GFRA1: variants seen among roughly 807,000 people sequenced by gnomAD.
GFRA1 encodes GDNF family receptor alpha-1.
In GFRA1, 16 loss-of-function variants were observed where a neutral mutation model predicts 51.6. The ratio of observed to expected loss-of-function variants is 0.31; its 90% confidence interval spans 0.21 to 0.47. The LOEUF is 0.47. Ranked by LOEUF, GFRA1 falls within the 20% of genes least tolerant of loss-of-function variation. The pLI, the probability that GFRA1 is intolerant of heterozygous loss-of-function variation, is 1.00. For missense variants in GFRA1, 530 were observed against 594.3 expected, an observed-to-expected ratio of 0.89 and a Z score of 1.13; for synonymous variants, 270 against 241.3, an observed-to-expected ratio of 1.12 and a Z score of -1.10.
chr10:116,188,277 G>A (rs1016747382), intron 5 of GFRA1, among the ~76,000 whole-genome samples: 1 of 152,210 alleles, frequency 6.6e-6, no homozygotes, highest in Non-Finnish European at 1.5e-5. Flanking sequence ...ATGAGGACCT[G>A]CGTCCCTGCT....
At chr10:116,126,880 G>A (rs2420234) in intron 5 of GFRA1, among the ~76,000 whole-genome samples, 34,552 of 152,124 alleles carry the variant, frequency 0.23, 3,954 homozygotes, top group Middle Eastern at 0.26. Flanking sequence ...TTTGCTGCAC[G>A]TCTAAAGGGC....
At chr10:116,197,477 T>C (rs892816163) in intron 5 of GFRA1, among the ~76,000 whole-genome samples, 2 of 152,222 alleles carry the variant, frequency 1.3e-5, no homozygotes, top group African/African-American at 4.8e-5. Context: ...TGTGTGTATA[T>C]TGTTTATGTA....
At chr10:116,066,091 TC>T (rs1955099104) in intron 9 of GFRA1, among the ~76,000 whole-genome samples, 1 of 152,198 alleles carries the variant, frequency 6.6e-6, no homozygotes, top group Non-Finnish European at 1.5e-5. Flanking sequence ...GCAATAAACA[TC>T]TGCATTTATT....
At chr10:116,221,493 C>T (rs1018548263) in intron 4 of GFRA1, among the ~76,000 whole-genome samples, 2 of 152,086 alleles carry the variant, frequency 1.3e-5, no homozygotes, top group Admixed American at 6.5e-5. Flanking sequence ...GGTGCGATCT[C>T]GGCTCACTGC....
At chr10:116,242,458 T>C (rs184792523) in intron 4 of GFRA1, among the ~76,000 whole-genome samples, 1 of 152,280 alleles carries the variant, frequency 6.6e-6, no homozygotes, top group African/African-American at 2.4e-5. Flanking sequence ...TATTTTGATT[T>C]TGAGAAGAGA....
chr10:116,136,415 C>T (rs900982629), intron 5 of GFRA1, among the ~76,000 whole-genome samples: 3 of 152,076 alleles, frequency 2.0e-5, no homozygotes, highest in African/African-American at 4.8e-5. Context: ...TCTTTAAAAC[C>T]GACGCTGCTT....
intron 3 of GFRA1, 31 bp downstream of exon 3, chr10:116,270,791 A>T (rs1355724880): frequency 8.9e-6 from 14 of 1,572,274 alleles, no homozygotes; most frequent in Non-Finnish European, 1.1e-5. Context: ...GGGGAGGGAC[A>T]CGGGGTGGGG....
In GFRA1 at chr10:116,269,539, A is replaced by G. The variant is rs781044021; in HGVS notation, c.382T>C (p.Leu128=). 3 of 1,608,744 alleles carry G rather than the reference A, an allele frequency of 1.9e-6. No homozygotes were observed. Among genetic ancestry groups the G allele is most frequent in the African/African-American group, 1.3e-5 (1 of 74,830 alleles). ...GGGACCACCCGGAATATATCTGACAATCTGCTGTTAACTGGTTCATATGGG... is the reference window on the plus strand; with the variant it reads ...GGGACCACCCGGAATATATCTGACAGTCTGCTGTTAACTGGTTCATATGGG... The part of the protein sequence containing the change: ...DSPYEPVNSR[L]SDIFRVVPFI... The change falls in exon 4 of 11, where the codon TTG becomes CTG. Residue 128 remains leucine, a synonymous_variant. Coordinates refer to ENST00000355422, the MANE Select transcript of GFRA1 (RefSeq NM_005264.8).
At chr10:116,260,701 A>G (rs1055621665) in intron 4 of GFRA1, among the ~76,000 whole-genome samples, 4 of 152,202 alleles carry the variant, frequency 2.6e-5, no homozygotes, top group Admixed American at 1.3e-4. Flanking sequence ...AGCTGCTTTC[A>G]CCCCTAATTT....
At chr10:116,246,693 C>G (rs1213372022) in intron 4 of GFRA1, among the ~76,000 whole-genome samples, 2 of 152,004 alleles carry the variant, frequency 1.3e-5, no homozygotes, top group Admixed American at 1.3e-4. Context: ...AAATTAAAAG[C>G]AAAATAGCAA....
chr10:116,094,902 G>C (rs1956509098), intron 7 of GFRA1, among the ~76,000 whole-genome samples: 1 of 152,218 alleles, frequency 6.6e-6, no homozygotes, highest in African/African-American at 2.4e-5. Flanking sequence ...CATTGGATAT[G>C]CCTGGTGCCA....
chr10:116,150,551 T>A (rs1029483340), intron 5 of GFRA1, among the ~76,000 whole-genome samples: 2 of 152,234 alleles, frequency 1.3e-5, no homozygotes, highest in African/African-American at 4.8e-5. Context: ...CCCAAGAATA[T>A]TCACCAGTGG....
Position 116,064,111 on chromosome 10 carries a change from A to T in GFRA1, c.*287T>A. The T allele has an allele frequency of 3.0e-6, 1 of 329,638 alleles. No individual in the cohort carries two copies. Among genetic ancestry groups the T allele is most frequent in the Non-Finnish European group, 5.7e-6 (1 of 175,204 alleles). The allele number at this position is 329,638 out of a possible 1,614,324, so 20.4% of individuals were successfully genotyped here. A position where few individuals can be genotyped will look rare whatever the true frequency, so the allele number is the denominator to read the frequency against. On this transcript the variant is annotated 3_prime_UTR_variant, in exon 11 of 11. Transcript: ENST00000355422. ...ATCATGATCATCATCATCATCGAAA[A>T]CACAGCCCCAGTTTGCTTTACAGCC...
At chr10:116,200,577 C>T (rs925045174) in intron 5 of GFRA1, among the ~76,000 whole-genome samples, 1 of 152,234 alleles carries the variant, frequency 6.6e-6, no homozygotes, top group Admixed American at 6.5e-5. Flanking sequence ...ACTTATTTCT[C>T]ACAGTTCTGG....
At position 116,271,039 on chromosome 10, in the gene GFRA1, C is replaced by G. The variant is rs752957654; in HGVS notation, c.117G>C (p.Glu39Asp). 1.9e-6 allele frequency: 3 copies of G among 1,614,192 alleles called. No homozygotes were observed. In the Admixed American group the frequency reaches 5.0e-5, roughly 27 times the overall value. Residue 39 changes from glutamate (E) to aspartate (D), a missense_variant, in exon 3 of 11, where the codon GAG becomes GAC. Glu to Asp is a conservative substitution (Grantham distance 45, BLOSUM62 2). Coordinates refer to ENST00000355422, the MANE Select transcript of GFRA1 (RefSeq NM_005264.8). ...CVKASDQCLK[E>D]QSCSTKYRTL... is the part of the protein sequence containing the mutation. ...TGCGGTACTTGGTGCTGCAGCTCTGCTCCTTCAGGCACTGATCACTGGCTT... is the reference window on the plus strand; with the variant it reads ...TGCGGTACTTGGTGCTGCAGCTCTGGTCCTTCAGGCACTGATCACTGGCTT...
chr10:116,095,938 T>C (rs567963056), intron 7 of GFRA1, among the ~76,000 whole-genome samples: 1 of 152,198 alleles, frequency 6.6e-6, no homozygotes, highest in African/African-American at 2.4e-5. Context: ...CCCTGGTACC[T>C]GGGACACCTG....
At chr10:116,155,144 T>G (rs1463695455) in intron 5 of GFRA1, among the ~76,000 whole-genome samples, 2 of 152,206 alleles carry the variant, frequency 1.3e-5, no homozygotes, top group Non-Finnish European at 2.9e-5. Context: ...TTAATACTCA[T>G]GACAATCCTA....
intron 4 of GFRA1, among the ~76,000 whole-genome samples, chr10:116,268,302 G>C (rs953972941): frequency 2.0e-5 from 3 of 152,130 alleles, no homozygotes; most frequent in Non-Finnish European, 4.4e-5. Flanking sequence ...CTATAAAATG[G>C]AAATAATAAT....
intron 9 of GFRA1, among the ~76,000 whole-genome samples, 184 bp from the exon 10 acceptor site, chr10:116,065,810 TTAA>T (rs1307600436): frequency 3.2e-4 from 49 of 152,188 alleles, no homozygotes; most frequent in Admixed American, 3.2e-3. Context: ...GAAGTTAATT[TTAA>T]TAATATATAT....
Sources: gnomAD v4.1 joint callset for allele counts (sites outside exome capture counted in the v4.1 genomes callset) on GRCh38, gnomAD v4.1.1 for gene constraint, MANE v1.5 for transcripts, NCBI Gene and HGNC (gene_info 2026-07-23, HGNC 2026-07-21) for gene names.